The following KCNJ3 variants were observed in gnomAD, a reference collection of about 807,000 sequenced individuals.
KCNJ3 encodes potassium inwardly rectifying channel subfamily J member 3.
In KCNJ3, 4 loss-of-function variants were observed where a neutral mutation model predicts 39.2. The ratio of observed to expected loss-of-function variants is 0.10; its 90% CI spans 0.05 to 0.23. KCNJ3 has a LOEUF of 0.23. Ranked by LOEUF, KCNJ3 falls within the 10% of genes least tolerant of loss-of-function variation. KCNJ3 has a pLI of 1.00. For missense variants in KCNJ3, 276 were observed against 634.9 expected, an observed-to-expected ratio of 0.43 and a Z score of 6.08; for synonymous variants, 230 against 237.4, an observed-to-expected ratio of 0.97 and a Z score of 0.29.
At chr2:154,727,548 G>C (rs1008350427) in intron 2 of KCNJ3, among the ~76,000 whole-genome samples, 1 of 140,172 alleles carries the variant, frequency 7.1e-6, no homozygotes, top group Non-Finnish European at 1.5e-5. Flanking sequence ...AGCCGAGATC[G>C]TGCCATTGCA....
rs532855705 is a variant in KCNJ3 at position 154,844,569 on chromosome 2, G to C, written c.920-10158G>C. On this transcript the variant is annotated intron_variant, in intron 2 of 2. Coordinates refer to ENST00000295101, the MANE Select transcript of KCNJ3 (RefSeq NM_002239.4). ...CTGCCCACAGAGGTGGAGTCTAGAG[G>C]CAGTGGACCTTGTTGATCTGTGGTG... 1.6e-4 allele frequency among the ~76,000 whole-genome samples: 24 copies of C among 152,298 alleles called. No individual in the cohort carries two copies. The South Asian group carries it at 3.7e-3, about 24-fold the overall frequency.
chr2:154,841,335 A>T (rs188266072), intron 2 of KCNJ3, among the ~76,000 whole-genome samples: 6 of 152,274 alleles, frequency 3.9e-5, no homozygotes, highest in African/African-American at 4.8e-5. Flanking sequence ...TCAGTTTGCC[A>T]GTATTTTATT....
chr2:154,777,583 T>C (rs913187254), intron 2 of KCNJ3, among the ~76,000 whole-genome samples: 1 of 152,252 alleles, frequency 6.6e-6, no homozygotes, highest in Admixed American at 6.5e-5. Flanking sequence ...CTGCACGATA[T>C]AGGATATTGG....
intron 2 of KCNJ3, among the ~76,000 whole-genome samples, chr2:154,826,937 C>A (rs563568402): frequency 6.6e-6 from 1 of 152,104 alleles, no homozygotes; most frequent in Non-Finnish European, 1.5e-5. Flanking sequence ...ATTTGTATTT[C>A]GTGTTCAAAA....
chr2:154,749,172 A>T (rs1481500784), intron 2 of KCNJ3, among the ~76,000 whole-genome samples: 1 of 152,126 alleles, frequency 6.6e-6, no homozygotes, highest in Non-Finnish European at 1.5e-5. Flanking sequence ...ATAAATTATC[A>T]TTTAGAAATT....
intron 2 of KCNJ3, among the ~76,000 whole-genome samples, chr2:154,780,817 G>T (rs568209374): frequency 6.6e-6 from 1 of 152,122 alleles, no homozygotes; most frequent in South Asian, 2.1e-4. Context: ...TTTCTGAACA[G>T]CAAAGAAACA....
chr2:154,716,276 A>AT (rs535989708), intron 2 of KCNJ3, among the ~76,000 whole-genome samples: 37,141 of 114,350 alleles, frequency 0.32, 6,665 homozygotes, highest in East Asian at 0.47. Flanking sequence ...CGGCCGGCTA[A>AT]TTTTTTTTTT....
chr2:154,784,770 A>G (rs1482544864), intron 2 of KCNJ3, among the ~76,000 whole-genome samples: 1 of 152,186 alleles, frequency 6.6e-6, no homozygotes, highest in Non-Finnish European at 1.5e-5. Context: ...TGTGCTATCT[A>G]CATCGTGTTT....
Position 154,699,900 on chromosome 2 carries a change from A to G in KCNJ3, c.702+423A>G, listed in dbSNP as rs1684857639. 6.6e-6 allele frequency among the ~76,000 whole-genome samples: 1 copy of G among 152,088 alleles called. No individual in the cohort carries two copies. The highest frequency in any genetic ancestry group is 6.5e-5 in the Admixed American group (1 of 15,280). ...AACTGAACAGCTGTTATTTTGAAGA[A>G]ATAGGTGCTGAACTTGCCTCAACTT... On this transcript the variant is annotated intron_variant, in intron 1 of 2. Transcript: ENST00000295101. This position sits in a 1 kb window ranked among gnomAD's most constrained non-coding sequence, Gnocchi z 6.4.
intron 2 of KCNJ3, among the ~76,000 whole-genome samples, chr2:154,774,478 A>G (rs1686298013): frequency 6.6e-6 from 1 of 152,072 alleles, no homozygotes; most frequent in African/African-American, 2.4e-5. Context: ...CATTATTTAG[A>G]AAAAGATGAT....
At chr2:154,772,249 A>G (rs1233063109) in intron 2 of KCNJ3, among the ~76,000 whole-genome samples, 1 of 152,166 alleles carries the variant, frequency 6.6e-6, no homozygotes. Flanking sequence ...AAGACAGGGT[A>G]TTTTTGTATT....
chr2:154,781,997 T>G (rs1287348993), intron 2 of KCNJ3, among the ~76,000 whole-genome samples: 1 of 152,188 alleles, frequency 6.6e-6, no homozygotes, highest in Non-Finnish European at 1.5e-5. Context: ...AAATAATTCT[T>G]TGGACTTTTA....
intron 2 of KCNJ3, among the ~76,000 whole-genome samples, chr2:154,833,096 T>C (rs1687389901): frequency 1.3e-5 from 2 of 152,252 alleles, no homozygotes; most frequent in African/African-American, 2.4e-5. Flanking sequence ...AATTTAGAAA[T>C]TGTTAAATAA....
intron 2 of KCNJ3, among the ~76,000 whole-genome samples, chr2:154,721,219 G>T: frequency 6.6e-6 from 1 of 152,014 alleles, no homozygotes; most frequent in East Asian, 1.9e-4. Context: ...TTACGCAAAA[G>T]GTCAGGTCTT....
chr2:154,775,177 A>ATGAAAATAAATTTAATATTT (rs1686311360), intron 2 of KCNJ3, among the ~76,000 whole-genome samples: 2 of 152,174 alleles, frequency 1.3e-5, no homozygotes, highest in African/African-American at 4.8e-5. Context: ...TCAGCCTTCC[A>ATGAAAATAAATTTAATATTT]AAGTGCTGGG....
At chr2:154,713,194 T>G (rs1292636711) in intron 2 of KCNJ3, among the ~76,000 whole-genome samples, 1 of 152,100 alleles carries the variant, frequency 6.6e-6, no homozygotes, top group Admixed American at 6.6e-5. Context: ...AATCTCAAAA[T>G]GTATATAACA....
chr2:154,741,717 C>T (rs1685656515), intron 2 of KCNJ3, among the ~76,000 whole-genome samples: 1 of 151,840 alleles, frequency 6.6e-6, no homozygotes, highest in African/African-American at 2.4e-5. Flanking sequence ...TAGTTCCCCT[C>T]ATTCTCCAAA....
chr2:154,820,441 C>T (rs1437953061), intron 2 of KCNJ3, among the ~76,000 whole-genome samples: 2 of 152,158 alleles, frequency 1.3e-5, no homozygotes, highest in South Asian at 2.1e-4. Flanking sequence ...ATGCTGTGTA[C>T]TTAATATTGT....
At chr2:154,756,934 T>C (rs62170797) in intron 2 of KCNJ3, among the ~76,000 whole-genome samples, 2,211 of 152,132 alleles carry the variant, frequency 0.015, 26 homozygotes, top group Non-Finnish European at 0.023. Context: ...TGAAATACAC[T>C]CTTGGAAACT....
Sources: allele counts gnomAD v4.1 joint callset (sites outside exome capture counted in the v4.1 genomes callset), GRCh38; gene constraint gnomAD v4.1.1; non-coding constraint Gnocchi (gnomAD v3.1); transcripts MANE v1.5; gene names NCBI Gene and HGNC (gene_info 2026-07-23, HGNC 2026-07-21).